The following SLCO3A1 variants were observed in gnomAD, a reference collection of about 807,000 sequenced individuals.
The protein encoded by SLCO3A1 is PGE1 transporter.
In SLCO3A1, 27 loss-of-function variants were observed where a neutral mutation model predicts 63.1. That is an observed-to-expected ratio of 0.43 (90% CI 0.32 to 0.59). The LOEUF (loss-of-function observed/expected upper bound fraction) is 0.59. Among genes scored for constraint, SLCO3A1 ranks in the 20% least tolerant of loss-of-function variants. The probability of loss-of-function intolerance (pLI) is 0.09; values close to 1 mark genes in which losing one functional copy is unlikely to be tolerated. For synonymous variants in SLCO3A1, 473 were observed against 409.9 expected (o/e 1.15, Z -1.86); for missense variants, 773 against 945.8 (o/e 0.82, Z 2.40).
intron 2 of SLCO3A1, among the ~76,000 whole-genome samples, chr15:92,052,572 C>T (rs774151385): frequency 2.6e-5 from 4 of 152,072 alleles, no homozygotes; most frequent in Non-Finnish European, 5.9e-5. Flanking sequence ...TCGCTCTTCC[C>T]AAGGTTCTTT....
rs1898045303 is a variant in SLCO3A1 at position 91,897,830 on chromosome 15, G to T, written c.181-18163G>T. ...TGACCTGCTCAGGCATCCTGCAATG[G>T]ATGACATGTGAGCATGAGGATGGGT... is the stretch of plus-strand genomic sequence containing the variant. On this transcript the variant is annotated intron_variant, in intron 1 of 9. Coordinates refer to ENST00000318445, the MANE Select transcript of SLCO3A1 (RefSeq NM_013272.4). The surrounding 1 kb of genome is among the most constrained non-coding windows in gnomAD (Gnocchi z 4.7). 6.6e-6 allele frequency among the ~76,000 whole-genome samples: 1 copy of T among 152,210 alleles called. No individual in the cohort carries two copies. Among genetic ancestry groups the T allele is most frequent in the Admixed American group, 6.5e-5 (1 of 15,284 alleles).
At chr15:92,032,456 T>C (rs991727765) in intron 2 of SLCO3A1, among the ~76,000 whole-genome samples, 1 of 152,132 alleles carries the variant, frequency 6.6e-6, no homozygotes, top group African/African-American at 2.4e-5. Flanking sequence ...AGTCTAGGGC[T>C]GTGTTATGTT....
chr15:92,147,185 C>T (rs1463728958), intron 8 of SLCO3A1, 26 bp downstream of exon 8: 5 of 1,592,940 alleles, frequency 3.1e-6, no homozygotes, highest in Non-Finnish European at 4.3e-6. Flanking sequence ...AGCCCCGCCT[C>T]TCCTCCTTTC....
intron 7 of SLCO3A1, among the ~76,000 whole-genome samples, chr15:92,145,567 T>A (rs2048211132): frequency 6.6e-6 from 1 of 152,072 alleles, no homozygotes; most frequent in South Asian, 2.1e-4. Flanking sequence ...AAAAGGGCCC[T>A]GCAGGACTTG....
At chr15:92,171,522 C>G in intron 10 of SLCO3A1, 1 of 429,470 alleles carries the variant, frequency 2.3e-6, no homozygotes, top group Non-Finnish European at 4.2e-6. Context: ...CCGACATCTG[C>G]TTGGCTGTGG....
intron 4 of SLCO3A1, among the ~76,000 whole-genome samples, chr15:92,113,630 G>A (rs758772961): frequency 7.9e-5 from 12 of 152,158 alleles, no homozygotes; most frequent in Non-Finnish European, 1.2e-4. Context: ...CAGGGCAGAG[G>A]TTAGGAGGCA....
chr15:92,160,744 T>C (rs892268481), intron 9 of SLCO3A1, among the ~76,000 whole-genome samples: 10 of 152,152 alleles, frequency 6.6e-5, no homozygotes, highest in African/African-American at 2.4e-4. Flanking sequence ...TTAGCACTCA[T>C]AGGGTAGCAA....
chr15:92,171,935 C>A, exon 11 of SLCO3A1: 3 of 1,154,102 alleles, frequency 2.6e-6, no homozygotes, highest in Non-Finnish European at 3.8e-6. Context: ...CCTCACTTAG[C>A]GCGCTCCTCC....
chr15:92,165,333 A>G lies in SLCO3A1; in HGVS notation c.*2198A>G, dbSNP rs530303759. 4.0e-5 allele frequency: 39 copies of G among 985,150 alleles called. No homozygotes were observed. In the South Asian group the frequency reaches 1.5e-3, roughly 37 times the overall value. The allele number at this position is 985,150 out of a possible 1,614,324, so 61.0% of individuals were successfully genotyped here. On this transcript the variant is annotated 3_prime_UTR_variant, in exon 10 of 10. Coordinates refer to ENST00000318445, the MANE Select transcript of SLCO3A1 (RefSeq NM_013272.4). ...TCTCCAACCACTTCATAAAATATGT[A>G]TGTTCTGTTGTTCCTAAGGCTTTGA...
At chr15:92,012,132 G>A (rs1260928521) in intron 2 of SLCO3A1, among the ~76,000 whole-genome samples, 2 of 152,236 alleles carry the variant, frequency 1.3e-5, no homozygotes, top group Non-Finnish European at 2.9e-5. Flanking sequence ...CTGTCACTGA[G>A]GTTGCCTTTA....
intron 1 of SLCO3A1, among the ~76,000 whole-genome samples, chr15:91,861,571 A>C (rs1366497193): frequency 6.6e-6 from 1 of 152,190 alleles, no homozygotes; most frequent in African/African-American, 2.4e-5. Flanking sequence ...TATTCCTCCT[A>C]ATCAACACAC....
intron 2 of SLCO3A1, among the ~76,000 whole-genome samples, chr15:92,052,320 A>G (rs570094367): frequency 4.6e-5 from 7 of 152,238 alleles, no homozygotes; most frequent in South Asian, 4.1e-4. Flanking sequence ...AGGGTGAGCA[A>G]TACCTACCTG....
chr15:92,138,516 T>G (rs1388856097), intron 7 of SLCO3A1, among the ~76,000 whole-genome samples: 1 of 115,040 alleles, frequency 8.7e-6, no homozygotes, highest in Non-Finnish European at 1.7e-5. Context: ...GTGAAGAAAG[T>G]CATTGGTAGC....
At chr15:92,067,768 G>T (rs1052161186) in intron 2 of SLCO3A1, among the ~76,000 whole-genome samples, 11 of 151,868 alleles carry the variant, frequency 7.2e-5, no homozygotes, top group Non-Finnish European at 1.6e-4. Context: ...GTCCTTTTGG[G>T]CTCCTGTAAC....
intron 2 of SLCO3A1, among the ~76,000 whole-genome samples, chr15:92,036,073 C>G (rs943812934): frequency 6.6e-6 from 1 of 152,210 alleles, no homozygotes; most frequent in Non-Finnish European, 1.5e-5. Context: ...CCAAGCCACT[C>G]TCCAACTGCA....
At chr15:91,864,405 A>C (rs1897117276) in intron 1 of SLCO3A1, among the ~76,000 whole-genome samples, 1 of 152,196 alleles carries the variant, frequency 6.6e-6, no homozygotes, top group African/African-American at 2.4e-5. Context: ...TGGGAATAGC[A>C]ATTATAAACA....
chr15:91,966,401 C>G (rs1022775702), intron 2 of SLCO3A1, among the ~76,000 whole-genome samples: 2 of 152,170 alleles, frequency 1.3e-5, no homozygotes, highest in East Asian at 3.8e-4. Flanking sequence ...GGCCTGTGTA[C>G]AAGTTCCCAC....
chr15:91,894,938 A>G lies in SLCO3A1; in HGVS notation c.181-21055A>G, dbSNP rs781673620. On this transcript the variant is annotated intron_variant, in intron 1 of 9. Coordinates refer to ENST00000318445, the MANE Select transcript of SLCO3A1 (RefSeq NM_013272.4). The surrounding 1 kb of genome is among the most constrained non-coding windows in gnomAD (Gnocchi z 4.8). ...AGGTTGAGTCTGTTGTTCCTAATCC[A>G]TACCTGCATCCTGGACTTGTGGCTG... Among the ~76,000 whole-genome samples, 1 of 152,178 alleles carries G rather than the reference A, an allele frequency of 6.6e-6. No individual in the cohort carries two copies. The highest frequency in any genetic ancestry group is 1.5e-5 in the Non-Finnish European group (1 of 68,040).
In SLCO3A1 at chr15:92,011,176, G is replaced by A. The variant is rs910766309; in HGVS notation, c.647-83705G>A. The stretch of plus-strand genomic sequence containing the variant: ...TGCTCCGGGCAGGGTCCTATCCCAT[G>A]ACCATTGCATTTCCTCTCCTTTCTA... On this transcript the variant is annotated intron_variant, in intron 2 of 9. Transcript: ENST00000318445. 3.9e-5 allele frequency among the ~76,000 whole-genome samples: 6 copies of A among 152,328 alleles called. No individual in the cohort carries two copies. In the South Asian group the frequency reaches 1.2e-3, roughly 32 times the overall value.
Sources: gnomAD v4.1 joint callset for allele counts (sites outside exome capture counted in the v4.1 genomes callset) on GRCh38, gnomAD v4.1.1 for gene constraint, Gnocchi (gnomAD v3.1) non-coding constraint, MANE v1.5 for transcripts, NCBI Gene and HGNC (gene_info 2026-07-23, HGNC 2026-07-21) for gene names.